Variants in FGGY observed in about 807,000 individuals in gnomAD.
The protein encoded by FGGY is FGGY carbohydrate kinase domain-containing protein.
In FGGY, 72 loss-of-function variants were observed where a neutral mutation model predicts 71.3. The ratio of observed to expected loss-of-function variants is 1.01; its 90% CI spans 0.84 to 1.23. The LOEUF is 1.23. Ranked by LOEUF, FGGY falls within the 50% of genes most tolerant of loss-of-function variation. The pLI, the probability that FGGY is intolerant of heterozygous loss-of-function variation, is 0.00. For synonymous variants in FGGY, 251 were observed against 250.3 expected (o/e 1.00, Z -0.02); for missense variants, 668 against 682.3 (o/e 0.98, Z 0.23).
chr1:59,436,669 A>G (rs1416971103), intron 5 of FGGY, among the ~76,000 whole-genome samples: 1 of 152,232 alleles, frequency 6.6e-6, no homozygotes, highest in African/African-American at 2.4e-5. Context: ...CTTCTCTGGG[A>G]AATTTCACAC....
chr1:59,611,378 G>C (rs148995905), intron 9 of FGGY, among the ~76,000 whole-genome samples: 2,985 of 152,114 alleles, frequency 0.02, 93 homozygotes, highest in African/African-American at 0.068. Context: ...GCCTCCACTG[G>C]TGATACTCAG....
chr1:59,611,658 T>C (rs2096681095), intron 9 of FGGY, among the ~76,000 whole-genome samples: 1 of 152,192 alleles, frequency 6.6e-6, no homozygotes, highest in African/African-American at 2.4e-5. Context: ...AGTATGACTT[T>C]GACGAGTTGA....
chr1:59,447,736 G>C (rs985240753), intron 5 of FGGY, among the ~76,000 whole-genome samples: 1 of 152,128 alleles, frequency 6.6e-6, no homozygotes, highest in Non-Finnish European at 1.5e-5. Context: ...CATATAAGAC[G>C]TGCCTTTTAC....
intron 9 of FGGY, among the ~76,000 whole-genome samples, chr1:59,624,421 G>T (rs1021200567): frequency 6.6e-6 from 1 of 152,146 alleles, no homozygotes; most frequent in African/African-American, 2.4e-5. Context: ...ATGAAATAGA[G>T]TAATGTGTGT....
chr1:59,483,767 G>A (rs1441952508), intron 6 of FGGY, among the ~76,000 whole-genome samples: 1 of 152,090 alleles, frequency 6.6e-6, no homozygotes, highest in Non-Finnish European at 1.5e-5. Flanking sequence ...AGAAACCCTT[G>A]TCTAAAGCAA....
In FGGY at chr1:59,636,577, C is replaced by T. The variant is rs1007457731; in HGVS notation, c.1074-1651C>T. Among the ~76,000 whole-genome samples, 7 of 152,112 alleles carry T rather than the reference C, an allele frequency of 4.6e-5. No individual in the cohort carries two copies. The South Asian group carries it at 1.2e-3, about 27-fold the overall frequency. ...GGCGGAGCTTGCAGTGAGCCGAGAT[C>T]GCGTCACTGCACTCCAGCTTGGTGA... On this transcript the variant is annotated intron_variant, in intron 10 of 15. Coordinates refer to ENST00000303721, the MANE Select transcript of FGGY (RefSeq NM_018291.5).
chr1:59,737,531 A>T (rs2098116074), intron 14 of FGGY, among the ~76,000 whole-genome samples: 1 of 152,182 alleles, frequency 6.6e-6, no homozygotes, highest in African/African-American at 2.4e-5. Context: ...GAGTCAAAGG[A>T]GATCATTTTG....
intron 5 of FGGY, among the ~76,000 whole-genome samples, chr1:59,442,741 T>C (rs1423426148): frequency 6.6e-6 from 1 of 152,182 alleles, no homozygotes; most frequent in Non-Finnish European, 1.5e-5. Context: ...TGCCCTTTAC[T>C]TATGGCCGTT....
intron 6 of FGGY, among the ~76,000 whole-genome samples, chr1:59,507,624 TCTC>T (rs1427191348): frequency 6.6e-6 from 1 of 151,836 alleles, no homozygotes; most frequent in Non-Finnish European, 1.5e-5. Context: ...TTCAAGCGAT[TCTC>T]CTGCTTCAGC....
chr1:59,738,949 G>A (rs538441104), intron 14 of FGGY, among the ~76,000 whole-genome samples: 1 of 152,288 alleles, frequency 6.6e-6, no homozygotes, highest in South Asian at 2.1e-4. Flanking sequence ...GGGAATCCAG[G>A]CACATTCTCT....
chr1:59,546,767 G>A (rs2095532599), intron 7 of FGGY, among the ~76,000 whole-genome samples: 2 of 151,714 alleles, frequency 1.3e-5, no homozygotes, highest in African/African-American at 2.4e-5. Flanking sequence ...GGATGGTCTC[G>A]ATCTCCTGAC....
intron 7 of FGGY, among the ~76,000 whole-genome samples, chr1:59,533,727 G>C (rs950799879): frequency 6.6e-6 from 1 of 152,204 alleles, no homozygotes; most frequent in Non-Finnish European, 1.5e-5. Context: ...GCACCCCCCA[G>C]CAGGGGCAGA....
chr1:59,473,780 C>T (rs1184601869), intron 6 of FGGY, among the ~76,000 whole-genome samples: 1 of 152,124 alleles, frequency 6.6e-6, no homozygotes, highest in East Asian at 1.9e-4. Context: ...AATTACTACT[C>T]CTGCCAATGC....
intron 5 of FGGY, among the ~76,000 whole-genome samples, chr1:59,405,818 G>A (rs1463302748): frequency 2.0e-5 from 3 of 152,124 alleles, no homozygotes; most frequent in African/African-American, 7.2e-5. Context: ...TGCTCCTCAT[G>A]TCACACAGTG....
intron 8 of FGGY, among the ~76,000 whole-genome samples, chr1:59,582,840 G>C (rs1191252306): frequency 6.7e-6 from 1 of 150,170 alleles, no homozygotes; most frequent in African/African-American, 2.5e-5. Flanking sequence ...AGGAAATTTT[G>C]AAAGAAATAA....
In FGGY at chr1:59,311,401, C is replaced by T. The variant is rs150845124; in HGVS notation, c.-14-10135C>T. Among the ~76,000 whole-genome samples the T allele has an allele frequency of 4.8e-3, 730 of 152,098 alleles. 6 individuals carry two copies. Among genetic ancestry groups the T allele is most frequent in the Middle Eastern group, 0.014 (4 of 294 alleles). ...TAAGTTCCCTCCCCTCGTCCCCCCA[C>T]CCCACAACAGGCCCTAGTGTGTGTT... is the stretch of plus-strand genomic sequence containing the variant. On this transcript the variant is annotated intron_variant, in intron 1 of 15. Coordinates refer to ENST00000303721, the MANE Select transcript of FGGY (RefSeq NM_018291.5).
At chr1:59,544,166 G>A (rs2153691657) in intron 7 of FGGY, among the ~76,000 whole-genome samples, 1 of 152,294 alleles carries the variant, frequency 6.6e-6, no homozygotes, top group East Asian at 1.9e-4. Flanking sequence ...TAACAAGAGA[G>A]AAGCATACAC....
At chr1:59,439,767 A>C (rs1212545922) in intron 5 of FGGY, among the ~76,000 whole-genome samples, 1 of 152,188 alleles carries the variant, frequency 6.6e-6, no homozygotes, top group African/African-American at 2.4e-5. Flanking sequence ...CCCTAGGCAT[A>C]ATTTTCCTTT....
intron 2 of FGGY, among the ~76,000 whole-genome samples, chr1:59,325,997 G>A (rs757037721): frequency 3.3e-5 from 5 of 152,174 alleles, no homozygotes; most frequent in Admixed American, 1.3e-4. Flanking sequence ...GATTTTAAAG[G>A]TTCCTTTATG....
Sources: allele counts gnomAD v4.1 joint callset (sites outside exome capture counted in the v4.1 genomes callset), GRCh38; gene constraint gnomAD v4.1.1; transcripts MANE v1.5; gene names NCBI Gene and HGNC (gene_info 2026-07-23, HGNC 2026-07-21).